Variants in CDCA4 observed in about 807,000 individuals in gnomAD.
CDCA4 encodes cell division cycle-associated protein 4.
For synonymous variants in CDCA4, 130 were observed against 137.0 expected (o/e 0.95, Z 0.36); for missense variants, 294 against 322.1 (o/e 0.91, Z 0.67).
chr14:105,018,531 C>T (rs1886143260), intron 1 of CDCA4, among the ~76,000 whole-genome samples: 1 of 152,124 alleles, frequency 6.6e-6, no homozygotes, highest in African/African-American at 2.4e-5. Flanking sequence ...CTGTGAGGAT[C>T]ACCCTGAATT....
intron 1 of CDCA4, among the ~76,000 whole-genome samples, chr14:105,015,468 A>AACTACACACAAAAGC (rs1555406458): frequency 2.6e-5 from 4 of 152,216 alleles, no homozygotes; most frequent in Admixed American, 6.5e-5. Context: ...ACGGGCCAGG[A>AACTACACACAAAAGC]AGCCAGGTTG....
At chr14:105,013,303 A>C (rs1163075434) in intron 1 of CDCA4, among the ~76,000 whole-genome samples, 1 of 151,988 alleles carries the variant, frequency 6.6e-6, no homozygotes, top group Non-Finnish European at 1.5e-5. Flanking sequence ...TGCCATTCTG[A>C]GCCAGTGCCG....
At chr14:105,016,935 A>G (rs1365943251) in intron 1 of CDCA4, among the ~76,000 whole-genome samples, 1 of 152,250 alleles carries the variant, frequency 6.6e-6, no homozygotes, top group Non-Finnish European at 1.5e-5. Flanking sequence ...GTTTGGAGTT[A>G]TTACACATAA....
Position 105,010,317 on chromosome 14 carries a change from C to T in CDCA4, c.*887G>A, listed in dbSNP as rs1383090630. 6.7e-6 allele frequency: 1 copy of T among 148,190 alleles called. No individual in the cohort carries two copies. Among genetic ancestry groups the T allele is most frequent in the Non-Finnish European group, 1.5e-5 (1 of 67,360 alleles). 9.2% of individuals were successfully genotyped at this position (148,190 alleles called of 1,614,324 possible). A position where few individuals can be genotyped will look rare whatever the true frequency, so the allele number is the denominator to read the frequency against. On this transcript the variant is annotated 3_prime_UTR_variant, in exon 2 of 2. Coordinates refer to ENST00000336219, the MANE Select transcript of CDCA4 (RefSeq NM_017955.4). Reference sequence around the variant, plus strand: ...CCCAGGGCAGGTGCATGGGCTGACCCTGATGGGAGCCTCCAGGAACACTGC... The same window carrying T: ...CCCAGGGCAGGTGCATGGGCTGACCTTGATGGGAGCCTCCAGGAACACTGC...
Position 105,011,498 on chromosome 14 carries a change from G to T in CDCA4, c.432C>A (p.Ser144Arg). ...SAQAPRHLQS[S>R]AWEMDGPREN... Reference sequence around the variant, plus strand: ...CTCGAGGGCCATCCATCTCCCAGGCGCTGCTCTGCAGGTGCCTTGGTGCCT... The same window carrying T: ...CTCGAGGGCCATCCATCTCCCAGGCTCTGCTCTGCAGGTGCCTTGGTGCCT... The change falls in exon 2 of 2, where the codon AGC becomes AGA. Residue 144 changes from serine to arginine, a missense_variant. Physicochemically the swap from Ser to Arg is moderately radical, Grantham distance 110. Transcript: ENST00000336219. 1 of 1,614,156 alleles carries T rather than the reference G, an allele frequency of 6.2e-7. No homozygotes were observed. The highest frequency in any genetic ancestry group is 8.5e-7 in the Non-Finnish European group (1 of 1,180,018).
At position 105,017,380 on chromosome 14, in the gene CDCA4, G is replaced by A. The variant is rs1900680245; in HGVS notation, c.-7+3619C>T. Among the ~76,000 whole-genome samples the A allele has an allele frequency of 2.0e-5, 3 of 151,982 alleles. No individual in the cohort carries two copies. In the South Asian group the frequency reaches 6.2e-4, roughly 32 times the overall value. On this transcript the variant is annotated intron_variant, in intron 1 of 1. Coordinates refer to ENST00000336219, the MANE Select transcript of CDCA4 (RefSeq NM_017955.4). ...TGGGATTATAGGCGTGCACCACCAC[G>A]CCCAGCTAGTTTTTTGTATTTTTAA...
intron 1 of CDCA4, among the ~76,000 whole-genome samples, chr14:105,019,545 T>A (rs1228418452): frequency 2.0e-5 from 3 of 152,214 alleles, no homozygotes; most frequent in Admixed American, 2.0e-4. Flanking sequence ...TCATCAACAA[T>A]TTCCATTCCT....
chr14:105,012,556 C>T (rs746269981), intron 1 of CDCA4, among the ~76,000 whole-genome samples: 42 of 152,222 alleles, frequency 2.8e-4, no homozygotes, highest in Non-Finnish European at 8.8e-5. Context: ...CCACCAGGAA[C>T]GCGCAGGGGA....
At chr14:105,018,015 T>G (rs541670767) in intron 1 of CDCA4, among the ~76,000 whole-genome samples, 2 of 152,124 alleles carry the variant, frequency 1.3e-5, no homozygotes, top group East Asian at 3.9e-4. Flanking sequence ...TACCGTAGGA[T>G]TCTATTGATC....
intron 1 of CDCA4, among the ~76,000 whole-genome samples, chr14:105,020,207 T>G (rs111573891): frequency 6.6e-6 from 1 of 152,126 alleles, no homozygotes; most frequent in Admixed American, 6.5e-5. Context: ...CACTTGAAAA[T>G]AGAGTGGTTG....
chr14:105,015,133 C>T (rs1285984193), intron 1 of CDCA4, among the ~76,000 whole-genome samples: 3 of 152,204 alleles, frequency 2.0e-5, no homozygotes, highest in African/African-American at 7.2e-5. Context: ...CTGGGTCCCA[C>T]TTTCCTTTCC....
chr14:105,018,160 G>A (rs543973390), intron 1 of CDCA4, among the ~76,000 whole-genome samples: 5 of 150,302 alleles, frequency 3.3e-5, no homozygotes, highest in Admixed American at 6.6e-5. Context: ...CCCCTTGTAG[G>A]ACTTGTGTAA....
intron 1 of CDCA4, among the ~76,000 whole-genome samples, chr14:105,012,823 CCT>C (rs1900542110): frequency 6.6e-6 from 1 of 152,228 alleles, no homozygotes; most frequent in Admixed American, 6.5e-5. Context: ...AGGTCAATGC[CCT>C]CCACTCGAGA....
intron 1 of CDCA4, among the ~76,000 whole-genome samples, chr14:105,012,462 C>T (rs931848482): frequency 2.0e-5 from 3 of 152,348 alleles, no homozygotes; most frequent in East Asian, 3.9e-4. Context: ...GTCACTTCTG[C>T]GTTCAGAAGA....
rs770932421 is a variant in CDCA4, at chr14:105,011,468, G to A, written c.462C>T (p.Asn154=). The A allele has an allele frequency of 9.3e-6, 15 of 1,614,208 alleles. No individual in the cohort carries two copies. Among genetic ancestry groups the A allele is most frequent in the Non-Finnish European group, 5.1e-6 (6 of 1,180,034 alleles). The change falls in exon 2 of 2, where the codon AAC becomes AAT. Residue 154 remains asparagine, a synonymous_variant. Transcript: ENST00000336219. ...SAWEMDGPRE[N]RGSFHKSLDQ... ...CAAGTGACTTGTGAAAGCTTCCTCT[G>A]TTTTCTCGAGGGCCATCCATCTCCC... is the stretch of plus-strand genomic sequence containing the variant.
At chr14:105,012,942 G>A (rs546324731) in intron 1 of CDCA4, among the ~76,000 whole-genome samples, 2 of 152,330 alleles carry the variant, frequency 1.3e-5, no homozygotes, top group East Asian at 1.9e-4. Flanking sequence ...TGTGTGTCCG[G>A]GGCAGGGGGG....
chr14:105,012,081 A>C, intron 1 of CDCA4, 146 bp from the exon 2 acceptor site: 1 of 946,040 alleles, frequency 1.1e-6, no homozygotes, highest in Non-Finnish European at 1.5e-6. Flanking sequence ...TAACTCCCTA[A>C]CAGAGCTGAG....
intron 1 of CDCA4, among the ~76,000 whole-genome samples, chr14:105,018,721 C>T (rs574195182): frequency 6.7e-6 from 1 of 148,438 alleles, no homozygotes; most frequent in Non-Finnish European, 1.5e-5. Flanking sequence ...GGCTGTGGAG[C>T]CTAGCTCCCT....
rs1157222038 is a variant in CDCA4, at chr14:105,011,477, A to G, written c.453T>C (p.Pro151=). The part of the protein sequence containing the change: ...LQSSAWEMDG[P]RENRGSFHKS... ...TGTGAAAGCTTCCTCTGTTTTCTCG[A>G]GGGCCATCCATCTCCCAGGCGCTGC... The change falls in exon 2 of 2, where the codon CCT becomes CCC. Residue 151 remains proline (P), a synonymous_variant. Coordinates refer to ENST00000336219, the MANE Select transcript of CDCA4 (RefSeq NM_017955.4). The G allele has an allele frequency of 1.9e-6, 3 of 1,614,056 alleles. No homozygotes were observed. In the East Asian group the frequency reaches 6.7e-5, roughly 36 times the overall value.
Sources: gnomAD v4.1 joint callset for allele counts (sites outside exome capture counted in the v4.1 genomes callset) on GRCh38, gnomAD v4.1.1 for gene constraint, MANE v1.5 for transcripts, NCBI Gene and HGNC (gene_info 2026-07-23, HGNC 2026-07-21) for gene names.